The following MGAM2 variants were observed in gnomAD, a reference collection of about 807,000 sequenced individuals.
The protein encoded by MGAM2 is maltase-glucoamylase 2 (putative), also known as probable maltase-glucoamylase 2.
A neutral mutation model predicts 96.1 loss-of-function variants in MGAM2; 98 were observed. The ratio of observed to expected loss-of-function variants is 1.02; its 90% CI spans 0.87 to 1.21. The LOEUF is 1.21. MGAM2 is among the 50% of genes most tolerant of loss of function. The probability of loss-of-function intolerance (pLI) is 0.00; values close to 1 mark genes in which losing one functional copy is unlikely to be tolerated. For missense variants in MGAM2, 2,055 were observed against 1,182.4 expected (o/e 1.74, Z -10.82); for synonymous variants, 749 against 414.8 (o/e 1.81, Z -9.79).
At chr7:142,208,073 A>G (rs1797463838) in intron 45 of MGAM2, 1 of 422,876 alleles carries the variant, frequency 2.4e-6, no homozygotes, top group South Asian at 1.7e-5. Context: ...ACTAGGTACT[A>G]TTATCTCCAT....
chr7:142,185,246 T>C (rs1796659267), intron 34 of MGAM2, 107 bp downstream of exon 34: 1 of 605,162 alleles, frequency 1.7e-6, no homozygotes, highest in Non-Finnish European at 3.0e-6. Flanking sequence ...TAGCCCTAAC[T>C]TGAGGGTGCT....
In MGAM2 at chr7:142,165,064, C is replaced by A; in HGVS notation, c.2652+41C>A. On this transcript the variant is annotated intron_variant, in intron 24 of 47. Transcript: ENST00000477922. ...ATTCTGCAGGGCCCTTTCCAGAGGC[C>A]TTGGCTCTGACAGCCAGCCCTACTT... The A allele has an allele frequency of 4.7e-6, 3 of 643,330 alleles. No homozygotes were observed. The South Asian group carries it at 5.4e-5, about 12-fold the overall frequency. The allele number at this position is 643,330 out of a possible 1,614,324, so 39.9% of individuals were successfully genotyped here. A position where few individuals can be genotyped will look rare whatever the true frequency, so the allele number is the denominator to read the frequency against.
chr7:142,216,879 G>A (rs78627645), intron 46 of MGAM2, among the ~76,000 whole-genome samples: 1 of 152,024 alleles, frequency 6.6e-6, no homozygotes, highest in African/African-American at 2.4e-5. Flanking sequence ...CTTGATTATT[G>A]CATGTAATCT....
At chr7:142,197,824 T>C in intron 42 of MGAM2, 96 bp downstream of exon 42, 2 of 684,072 alleles carry the variant, frequency 2.9e-6, no homozygotes, top group South Asian at 3.1e-5. Flanking sequence ...TCCAGCTCAC[T>C]ATTTTCAGGC....
intron 2 of MGAM2, among the ~76,000 whole-genome samples, chr7:142,119,748 T>C (rs1414262790): frequency 6.6e-6 from 1 of 152,184 alleles, no homozygotes; most frequent in Non-Finnish European, 1.5e-5. Context: ...TGATACATAC[T>C]ACAACATGGA....
intron 37 of MGAM2, among the ~76,000 whole-genome samples, chr7:142,189,800 A>G (rs1047473444): frequency 6.6e-6 from 1 of 152,228 alleles, no homozygotes; most frequent in Non-Finnish European, 1.5e-5. Flanking sequence ...ACCTTTGCCC[A>G]TTAGCAATCA....
chr7:142,170,190 T>C lies in MGAM2; in HGVS notation c.3143T>C (p.Phe1048Ser). ...LYDVRIQNNP[F>S]GIQIQRKNSS... ...GATGTCAGGATTCAGAACAATCCTT[T>C]TGGAATCCAGATTCAACGCAAAAAC... Residue 1048 changes from phenylalanine (F) to serine (S), a missense_variant, in exon 27 of 48, where the codon TTT becomes TCT. By Grantham distance (155) the Phe-to-Ser change is radical (BLOSUM62 -2). Transcript: ENST00000477922. The C allele has an allele frequency of 1.4e-6, 1 of 702,742 alleles. No homozygotes were observed. The highest frequency in any genetic ancestry group is 1.5e-5 in the South Asian group (1 of 67,576). The allele number at this position is 702,742 out of a possible 1,614,324, so 43.5% of individuals were successfully genotyped here.
intron 44 of MGAM2, among the ~76,000 whole-genome samples, chr7:142,199,060 C>T (rs1249327138): frequency 6.6e-6 from 1 of 152,178 alleles, no homozygotes; most frequent in African/African-American, 2.4e-5. Flanking sequence ...AGCTCTTTGA[C>T]TTGTGATTGA....
At chr7:142,154,224 T>G (rs1263089638) in intron 16 of MGAM2, 35 bp downstream of exon 16, 2 of 547,068 alleles carry the variant, frequency 3.7e-6, no homozygotes, top group Admixed American at 5.5e-5. Context: ...ACTTTAACCC[T>G]TTGTCTGTTG....
intron 37 of MGAM2, among the ~76,000 whole-genome samples, chr7:142,193,163 T>G (rs1796925922): frequency 6.6e-6 from 1 of 152,298 alleles, no homozygotes; most frequent in Non-Finnish European, 1.5e-5. Context: ...CCCATACACC[T>G]TGATGTTTCT....
intron 37 of MGAM2, among the ~76,000 whole-genome samples, chr7:142,189,762 C>T (rs567682518): frequency 3.9e-5 from 6 of 152,274 alleles, no homozygotes; most frequent in East Asian, 1.9e-4. Flanking sequence ...ATTAAATTTT[C>T]GAACATTTTC....
At chr7:142,197,195 G>A (rs1797071076) in intron 40 of MGAM2, among the ~76,000 whole-genome samples, 1 of 152,132 alleles carries the variant, frequency 6.6e-6, no homozygotes, top group Non-Finnish European at 1.5e-5. Context: ...CCTATTCCAG[G>A]GACTTAGGAA....
intron 2 of MGAM2, among the ~76,000 whole-genome samples, chr7:142,120,055 TTGTATC>T (rs1489560047): frequency 6.6e-6 from 1 of 152,242 alleles, no homozygotes; most frequent in Non-Finnish European, 1.5e-5. Flanking sequence ...GGTATATAAA[TTGTATC>T]TGTTTAAAAA....
chr7:142,212,100 A>C (rs1797604237), intron 46 of MGAM2, among the ~76,000 whole-genome samples: 1 of 152,204 alleles, frequency 6.6e-6, no homozygotes, highest in Admixed American at 6.5e-5. Flanking sequence ...TAAGCTTCAT[A>C]AGTGAAGGGG....
intron 1 of MGAM2, 112 bp from the exon 2 acceptor site, chr7:142,116,762 T>C (rs532084766): frequency 1.8e-4 from 118 of 663,920 alleles, no homozygotes; most frequent in African/African-American, 1.8e-3. Context: ...AGGATGCTGA[T>C]AATCAAGGTC....
chr7:142,125,468 A>C (rs530964134), intron 3 of MGAM2, among the ~76,000 whole-genome samples: 22 of 152,272 alleles, frequency 1.4e-4, no homozygotes, highest in African/African-American at 5.3e-4. Flanking sequence ...GACTGACCCC[A>C]GTTTCAGAGG....
chr7:142,199,465 A>C (rs1797150624), intron 44 of MGAM2, among the ~76,000 whole-genome samples: 2 of 99,178 alleles, frequency 2.0e-5, no homozygotes. Flanking sequence ...ACTGGAGGAC[A>C]GATAAAGGAA....
intron 1 of MGAM2, among the ~76,000 whole-genome samples, chr7:142,112,328 TC>T (rs1817201742): frequency 6.6e-6 from 1 of 152,072 alleles, no homozygotes; most frequent in Non-Finnish European, 1.5e-5. Context: ...TTCCTGTACT[TC>T]CTGAGCTAAG....
intron 25 of MGAM2, among the ~76,000 whole-genome samples, chr7:142,166,469 A>G (rs1461513377): frequency 6.6e-6 from 1 of 152,036 alleles, no homozygotes. Context: ...ATCATTAAAA[A>G]CCCAATTTTA....
Sources: allele counts gnomAD v4.1 joint callset (sites outside exome capture counted in the v4.1 genomes callset), GRCh38; gene constraint gnomAD v4.1.1; transcripts MANE v1.5; gene names NCBI Gene and HGNC (gene_info 2026-07-23, HGNC 2026-07-21).